C6: variants seen among roughly 807,000 people sequenced by gnomAD.
C6 encodes complement component C6.
Under a neutral mutation model 112.9 loss-of-function variants are expected in C6, and 101 were observed. The observed-to-expected ratio is 0.89, with a 90% confidence interval of 0.76 to 1.06. The LOEUF is 1.06. C6 is among the 50% of genes least tolerant of loss of function. The pLI is 0.00. For synonymous variants in C6, 431 were observed against 384.1 expected (o/e 1.12, Z -1.43); for missense variants, 1,202 against 1,104.6 (o/e 1.09, Z -1.25).
At chr5:41,211,721 TTTG>T (rs1167238034) in intron 1 of C6, among the ~76,000 whole-genome samples, 1 of 152,138 alleles carries the variant, frequency 6.6e-6, no homozygotes, top group Non-Finnish European at 1.5e-5. Flanking sequence ...AAATAGATAC[TTTG>T]TTGTTGTTTT....
At chr5:41,259,300 A>G (rs904856915) in intron 1 of C6, among the ~76,000 whole-genome samples, 2 of 152,160 alleles carry the variant, frequency 1.3e-5, no homozygotes, top group African/African-American at 4.8e-5. Context: ...AATAGCTGGC[A>G]AAGTGTGAAC....
rs751922876 is a variant in C6, at chr5:41,195,911, T to C, written c.468A>G (p.Leu156=). The change falls in exon 5 of 18, where the codon TTA becomes TTG. Residue 156 remains leucine (L), a synonymous_variant. Coordinates refer to ENST00000337836, the MANE Select transcript of C6 (RefSeq NM_000065.5). ...CDSGRCIARK[L]ECNGENDCGD... Reference sequence around the variant, plus strand: ...CACAGTCATTTTCTCCATTGCATTCTAACTTTCTGGCAATGCAGCGGCCTA... The same window carrying C: ...CACAGTCATTTTCTCCATTGCATTCCAACTTTCTGGCAATGCAGCGGCCTA... The C allele has an allele frequency of 6.8e-6, 11 of 1,613,988 alleles. No homozygotes were observed. Among genetic ancestry groups the C allele is most frequent in the Non-Finnish European group, 9.3e-6 (11 of 1,179,910 alleles).
rs1740959344 is a variant in C6 at position 41,245,410 on chromosome 5, T to C, written c.-21+15784A>G. On this transcript the variant is annotated intron_variant, in intron 1 of 17. Transcript: ENST00000263413. ...GGTGGCAGACACCTGTAATCCCAGCTACTTCGGAGGCTGAGGCAGGAGAAT... is the reference window on the plus strand; with the variant it reads ...GGTGGCAGACACCTGTAATCCCAGCCACTTCGGAGGCTGAGGCAGGAGAAT... Among the ~76,000 whole-genome samples, 2 of 152,088 alleles carry C rather than the reference T, an allele frequency of 1.3e-5. 1 individual carries two copies. Among genetic ancestry groups the C allele is most frequent in the South Asian group, 4.1e-4 (2 of 4,832 alleles).
intron 9 of C6, among the ~76,000 whole-genome samples, chr5:41,163,294 T>C (rs539800250): frequency 1.4e-4 from 21 of 151,766 alleles, no homozygotes; most frequent in African/African-American, 5.1e-4. Flanking sequence ...TTGTAATATA[T>C]GTATTTATCA....
At chr5:41,245,296 G>A (rs1740954306) in intron 1 of C6, among the ~76,000 whole-genome samples, 2 of 152,132 alleles carry the variant, frequency 1.3e-5, no homozygotes, top group African/African-American at 4.8e-5. Flanking sequence ...TTGGGAGGCC[G>A]AGATGGGCAG....
chr5:41,253,567 G>A (rs908737646), intron 1 of C6, among the ~76,000 whole-genome samples: 16 of 152,122 alleles, frequency 1.1e-4, no homozygotes, highest in African/African-American at 3.9e-4. Context: ...GGCAATTGTA[G>A]GACCCACCTA....
At chr5:41,156,066 GTCTTAGACT>G (rs567767950) in intron 13 of C6, among the ~76,000 whole-genome samples, 2 of 152,140 alleles carry the variant, frequency 1.3e-5, no homozygotes, top group Admixed American at 6.6e-5. Flanking sequence ...GGTAAAGTGG[GTCTTAGACT>G]TCTTAGTTTG....
At position 41,149,908 on chromosome 5, in the gene C6, A is replaced by G. The variant is rs752969067; in HGVS notation, c.2381+27T>C. On this transcript the variant is annotated intron_variant, in intron 16 of 17. Coordinates refer to ENST00000337836, the MANE Select transcript of C6 (RefSeq NM_000065.5). ...CACTAGACTGGTTTTCCCAATTTCC[A>G]GACACAGTCTGTAGGGTATCTCTTA... 10 of 1,512,606 alleles carry G rather than the reference A, an allele frequency of 6.6e-6. No individual in the cohort carries two copies. In the Admixed American group the frequency reaches 6.7e-5, roughly 10 times the overall value. The allele number at this position is 1,512,606 out of a possible 1,614,324, so 93.7% of individuals were successfully genotyped here. A position where few individuals can be genotyped will look rare whatever the true frequency, so the allele number is the denominator to read the frequency against.
Position 41,158,764 on chromosome 5 carries a change from A to G in C6, c.1878T>C (p.Asp626=), listed in dbSNP as rs751514430. Residue 626 remains aspartate (D), a synonymous_variant, in exon 13 of 18, where the codon GAT becomes GAC. Transcript: ENST00000337836. ...MENNGQPCIN[D]DEEMKEVDLP... is the part of the protein sequence containing the mutation. ...GATCGACCTCTTTCATTTCTTCGTC[A>G]TCATTGATACATGGTTGTCCACTAA... The G allele has an allele frequency of 3.2e-6, 5 of 1,585,992 alleles. No individual in the cohort carries two copies. The East Asian group carries it at 6.7e-5, about 21-fold the overall frequency.
chr5:41,176,770 C>G, intron 7 of C6, 55 bp from the exon 8 acceptor site: 1 of 1,492,380 alleles, frequency 6.7e-7, no homozygotes, highest in Non-Finnish European at 9.3e-7. Context: ...GTTTGAAGTA[C>G]CTAGCATTTA....
chr5:41,199,773 TC>T lies in C6; in HGVS notation c.439del (p.Asp147ThrfsTer10). The T allele has an allele frequency of 6.2e-7, 1 of 1,613,682 alleles. No homozygotes were observed. Among genetic ancestry groups the T allele is most frequent in the Non-Finnish European group, 8.5e-7 (1 of 1,179,642 alleles). On this transcript the variant is annotated frameshift_variant, in exon 4 of 18. Transcript: ENST00000337836. LOFTEE classifies it high-confidence loss of function. ...EADCKNKFRCDSGRCIARKLE... is the reference protein window; with the variant it reads ...EADCKNKFRCXSGRCIARKLE... Reference sequence around the variant, plus strand: ...ATTTCACAAAAATACATTACCACTGTCACAGCGAAATTTATTCTTGCAGTCA... The same window carrying T: ...ATTTCACAAAAATACATTACCACTGTACAGCGAAATTTATTCTTGCAGTCA...
chr5:41,181,864 C>A (rs1318789576), intron 6 of C6, among the ~76,000 whole-genome samples: 2 of 152,180 alleles, frequency 1.3e-5, no homozygotes, highest in Non-Finnish European at 2.9e-5. Context: ...GCCACCTAAG[C>A]TGAGACTTAA....
At chr5:41,159,524 T>TTC in intron 11 of C6, 1 of 968,130 alleles carries the variant, frequency 1.0e-6, no homozygotes, top group African/African-American at 1.8e-5. Context: ...AACCTCTGTA[T>TTC]TCTTGGCTTT....
At chr5:41,209,249 C>G (rs192580244) in intron 1 of C6, among the ~76,000 whole-genome samples, 88 of 152,254 alleles carry the variant, frequency 5.8e-4, no homozygotes, top group Middle Eastern at 3.4e-3. Context: ...TTATGACAAA[C>G]CCACAGCCAG....
chr5:41,225,470 T>A (rs1394302631), intron 1 of C6, among the ~76,000 whole-genome samples: 37 of 152,330 alleles, frequency 2.4e-4, no homozygotes, highest in South Asian at 1.9e-3. Context: ...TCTATCATTG[T>A]TGGACATTTG....
chr5:41,199,042 A>C (rs572574084), intron 4 of C6, among the ~76,000 whole-genome samples: 1 of 152,166 alleles, frequency 6.6e-6, no homozygotes, highest in Non-Finnish European at 1.5e-5. Context: ...CCCTGACCCC[A>C]GCATTCCTGT....
At chr5:41,181,224 A>G (rs1561136410) in intron 7 of C6, 135 bp downstream of exon 7, 1 of 768,444 alleles carries the variant, frequency 1.3e-6, no homozygotes, top group Admixed American at 2.7e-5. Context: ...ATAACAAAAA[A>G]TGGAAAAATT....
intron 1 of C6, among the ~76,000 whole-genome samples, chr5:41,242,409 C>T (rs1405289052): frequency 6.6e-6 from 1 of 152,170 alleles, no homozygotes; most frequent in Non-Finnish European, 1.5e-5. Flanking sequence ...TTCCTGAGGC[C>T]TCCCCAGCAA....
chr5:41,192,159 A>G (rs1750265700), intron 5 of C6, among the ~76,000 whole-genome samples: 1 of 152,120 alleles, frequency 6.6e-6, no homozygotes. Context: ...TGAGGTGATC[A>G]TATGTTTTGT....
Sources: gnomAD v4.1 joint callset for allele counts (sites outside exome capture counted in the v4.1 genomes callset) on GRCh38, gnomAD v4.1.1 for gene constraint, MANE v1.5 for transcripts, NCBI Gene and HGNC (gene_info 2026-07-23, HGNC 2026-07-21) for gene names.